The following TRPC4 variants were observed in gnomAD, a reference collection of about 807,000 sequenced individuals.
TRPC4 encodes the protein transient receptor potential cation channel subfamily C member 4.
TRPC4 carries 49 observed loss-of-function variants against 99.4 expected under a neutral mutation model. The observed-to-expected ratio is 0.49, with a 90% CI of 0.39 to 0.63. The LOEUF (loss-of-function observed/expected upper bound fraction) is 0.63, where lower values mean the gene tolerates loss of function less well. Ranked by LOEUF, TRPC4 falls within the 20% of genes least tolerant of loss-of-function variation. TRPC4 has a pLI of 0.00. For missense variants in TRPC4, 898 were observed against 1,152.9 expected, an observed-to-expected ratio of 0.78 and a Z score of 3.20; for synonymous variants, 454 against 425.9, an observed-to-expected ratio of 1.07 and a Z score of -0.81.
intron 1 of TRPC4, among the ~76,000 whole-genome samples, chr13:37,796,991 A>AAGTAAAGTAT: frequency 6.7e-6 from 1 of 150,042 alleles, no homozygotes; most frequent in Admixed American, 6.6e-5. Context: ...AAGTAAAGTA[A>AAGTAAAGTAT]AGTAAAGTAA....
chr13:37,658,624 T>G (rs1952323896), intron 6 of TRPC4, among the ~76,000 whole-genome samples: 1 of 152,214 alleles, frequency 6.6e-6, no homozygotes, highest in Non-Finnish European at 1.5e-5. Flanking sequence ...AGGGCTTTGC[T>G]TAATGAGACA....
chr13:37,752,349 G>A (rs1307250500), intron 2 of TRPC4, among the ~76,000 whole-genome samples: 2 of 151,846 alleles, frequency 1.3e-5, no homozygotes, highest in East Asian at 3.9e-4. Context: ...GTGCCTAGCG[G>A]ATAGTTGGTA....
Position 37,721,644 on chromosome 13 carries a change from A to G in TRPC4, c.897+24293T>C, listed in dbSNP as rs113425710. 2.9e-3 allele frequency among the ~76,000 whole-genome samples: 444 copies of G among 152,266 alleles called. 3 individuals carry two copies. Among genetic ancestry groups the G allele is most frequent in the African/African-American group, 0.01 (422 of 41,572 alleles). On this transcript the variant is annotated intron_variant, in intron 3 of 10. Transcript: ENST00000379705. ...AAACTAAATGTTCGAAGATTGTTTA[A>G]CTTTATCTTTAAACTGATTCATTTA... is the stretch of plus-strand genomic sequence containing the variant.
In TRPC4 at chr13:37,641,221, T is replaced by G. The variant is rs542639545; in HGVS notation, c.2080-1922A>C. Among the ~76,000 whole-genome samples the G allele has an allele frequency of 6.6e-4, 101 of 152,284 alleles. 1 individual carries two copies. Among genetic ancestry groups the G allele is most frequent in the African/African-American group, 2.3e-3 (96 of 41,572 alleles). On this transcript the variant is annotated intron_variant, in intron 8 of 10. Coordinates refer to ENST00000379705, the MANE Select transcript of TRPC4 (RefSeq NM_016179.4). Reference sequence around the variant, plus strand: ...AGGTCAAAGACTACATTTTAAATGGTAATTCTAGGTTAATTTTCTTGGGAA... The same window carrying G: ...AGGTCAAAGACTACATTTTAAATGGGAATTCTAGGTTAATTTTCTTGGGAA...
chr13:37,839,016 T>C (rs1220753118), intron 1 of TRPC4, among the ~76,000 whole-genome samples: 1 of 152,212 alleles, frequency 6.6e-6, no homozygotes, highest in East Asian at 1.9e-4. Context: ...TGCTCTTATA[T>C]ATATCTTATA....
intron 5 of TRPC4, among the ~76,000 whole-genome samples, chr13:37,667,627 A>G (rs1952690698): frequency 6.6e-6 from 1 of 152,170 alleles, no homozygotes; most frequent in African/African-American, 2.4e-5. Flanking sequence ...AATCTTTTAA[A>G]GAACCCAACC....
chr13:37,683,244 G>A (rs1348942099), intron 4 of TRPC4, among the ~76,000 whole-genome samples: 1 of 152,018 alleles, frequency 6.6e-6, no homozygotes, highest in Non-Finnish European at 1.5e-5. Context: ...CATCTGTTTG[G>A]GCAGGTGGCT....
intron 1 of TRPC4, among the ~76,000 whole-genome samples, chr13:37,864,088 A>C (rs183984208): frequency 2.5e-4 from 38 of 151,840 alleles, no homozygotes; most frequent in African/African-American, 8.4e-4. Flanking sequence ...GAATGAAAAT[A>C]ATTTAAAACA....
intron 3 of TRPC4, among the ~76,000 whole-genome samples, chr13:37,726,934 AAT>A (rs1463149345): frequency 1.3e-5 from 2 of 152,134 alleles, no homozygotes; most frequent in African/African-American, 4.8e-5. Flanking sequence ...AGTTCATGAA[AAT>A]ATATCAATTT....
chr13:37,828,158 C>A (rs1958304502), intron 1 of TRPC4, among the ~76,000 whole-genome samples: 2 of 152,320 alleles, frequency 1.3e-5, no homozygotes, highest in East Asian at 3.9e-4. Context: ...ACCCACTGAC[C>A]TGCACCCACT....
chr13:37,667,293 A>G (rs1270612353), intron 5 of TRPC4, among the ~76,000 whole-genome samples: 1 of 151,992 alleles, frequency 6.6e-6, no homozygotes, highest in Non-Finnish European at 1.5e-5. Context: ...GTCCTCCATC[A>G]TCTATGTATC....
At chr13:37,857,481 C>T (rs1279887399) in intron 1 of TRPC4, among the ~76,000 whole-genome samples, 1 of 151,412 alleles carries the variant, frequency 6.6e-6, no homozygotes, top group African/African-American at 2.4e-5. Flanking sequence ...GCAAAAATAA[C>T]AGAACTGGAG....
chr13:37,860,508 T>C (rs1959238026), intron 1 of TRPC4, among the ~76,000 whole-genome samples: 1 of 151,490 alleles, frequency 6.6e-6, no homozygotes, highest in African/African-American at 2.4e-5. Flanking sequence ...CCTTTCTTCA[T>C]ATAAAATTTT....
intron 3 of TRPC4, among the ~76,000 whole-genome samples, chr13:37,723,956 C>T (rs1387012541): frequency 6.6e-6 from 1 of 152,094 alleles, no homozygotes; most frequent in Non-Finnish European, 1.5e-5. Flanking sequence ...TGCAGACAAA[C>T]TGGCTTATAA....
chr13:37,674,559 TC>T (rs1952979871), intron 4 of TRPC4, among the ~76,000 whole-genome samples, 192 bp from the exon 5 acceptor site: 1 of 152,214 alleles, frequency 6.6e-6, no homozygotes, highest in Admixed American at 6.5e-5. Flanking sequence ...CTAAGCTAAT[TC>T]TGGAAGATGT....
intron 3 of TRPC4, among the ~76,000 whole-genome samples, chr13:37,739,638 T>C (rs1055617676): frequency 6.6e-6 from 1 of 151,342 alleles, no homozygotes. Context: ...CCTGAGTAAC[T>C]GGGATTACAG....
chr13:37,739,764 A>C (rs1005933370), intron 3 of TRPC4, among the ~76,000 whole-genome samples: 3 of 151,992 alleles, frequency 2.0e-5, no homozygotes, highest in Non-Finnish European at 2.9e-5. Flanking sequence ...TCGGCCTCCC[A>C]AAGTGCTGGG....
intron 1 of TRPC4, among the ~76,000 whole-genome samples, chr13:37,835,809 C>T (rs1355639518): frequency 2.0e-5 from 3 of 152,184 alleles, no homozygotes; most frequent in African/African-American, 7.2e-5. Context: ...TTGGTTAATA[C>T]ATCAGGAACA....
intron 6 of TRPC4, among the ~76,000 whole-genome samples, chr13:37,662,885 A>G (rs558353108): frequency 1.2e-4 from 19 of 152,364 alleles, no homozygotes; most frequent in Non-Finnish European, 2.4e-4. Context: ...ATAAGGGCAC[A>G]GAGAGTTTTG....
Sources: gnomAD v4.1 joint callset for allele counts (sites outside exome capture counted in the v4.1 genomes callset) on GRCh38, gnomAD v4.1.1 for gene constraint, MANE v1.5 for transcripts, NCBI Gene and HGNC (gene_info 2026-07-23, HGNC 2026-07-21) for gene names.